NETO1: variants seen among roughly 807,000 people sequenced by gnomAD.
NETO1 encodes the protein neuropilin and tolloid-like protein 1.
In NETO1, 26 loss-of-function variants were observed where a neutral mutation model predicts 61.3. The ratio of observed to expected loss-of-function variants is 0.42; its 90% CI spans 0.31 to 0.59. The LOEUF (loss-of-function observed/expected upper bound fraction) is 0.59. NETO1 is among the 20% of genes least tolerant of loss of function. The pLI, the probability that NETO1 is intolerant of heterozygous loss-of-function variation, is 0.12. For missense variants in NETO1, 531 were observed against 662.8 expected, an observed-to-expected ratio of 0.80 and a Z score of 2.18; for synonymous variants, 225 against 225.8, an observed-to-expected ratio of 1.00 and a Z score of 0.03.
intron 4 of NETO1, among the ~76,000 whole-genome samples, chr18:72,824,167 G>C (rs1389449914): frequency 6.6e-6 from 1 of 152,102 alleles, no homozygotes; most frequent in Non-Finnish European, 1.5e-5. Flanking sequence ...GAATAAGCCG[G>C]GTTTTTGTTT....
intron 7 of NETO1, among the ~76,000 whole-genome samples, chr18:72,766,962 T>C (rs187237711): frequency 2.5e-4 from 38 of 152,270 alleles, no homozygotes; most frequent in African/African-American, 8.7e-4. Flanking sequence ...ATAAGGAGGG[T>C]ATTAAATATC....
intron 6 of NETO1, among the ~76,000 whole-genome samples, chr18:72,784,810 G>T (rs536478416): frequency 6.6e-5 from 10 of 152,332 alleles, no homozygotes; most frequent in African/African-American, 9.6e-5. Context: ...GAAATAATTT[G>T]TTCATGCGTC....
chr18:72,862,967 G>A (rs1168389519), intron 3 of NETO1, among the ~76,000 whole-genome samples: 1 of 152,042 alleles, frequency 6.6e-6, no homozygotes, highest in African/African-American at 2.4e-5. Flanking sequence ...CTCCATCACT[G>A]ATGCCGCTTC....
chr18:72,767,725 A>T (rs185869343), intron 7 of NETO1, among the ~76,000 whole-genome samples: 2 of 152,124 alleles, frequency 1.3e-5, no homozygotes, highest in African/African-American at 2.4e-5. Flanking sequence ...TAAAAAAAAC[A>T]GGAAGGAAGG....
intron 4 of NETO1, among the ~76,000 whole-genome samples, chr18:72,827,716 CAAAA>C (rs535573315): frequency 2.0e-5 from 2 of 100,388 alleles, no homozygotes; most frequent in Non-Finnish European, 3.9e-5. Context: ...GACCCTGTCT[CAAAA>C]AAAAAAAAAA....
At chr18:72,805,434 T>G (rs1400399841) in intron 4 of NETO1, among the ~76,000 whole-genome samples, 1 of 152,200 alleles carries the variant, frequency 6.6e-6, no homozygotes, top group Non-Finnish European at 1.5e-5. Flanking sequence ...TTTCATTTAG[T>G]TAGATCCACG....
chr18:72,843,790 A>G (rs2074005506), intron 4 of NETO1, among the ~76,000 whole-genome samples: 1 of 152,206 alleles, frequency 6.6e-6, no homozygotes, highest in South Asian at 2.1e-4. Flanking sequence ...CTATCCCGCC[A>G]AAAAACTGGT....
intron 7 of NETO1, among the ~76,000 whole-genome samples, chr18:72,771,826 T>C (rs1263844370): frequency 6.6e-6 from 1 of 152,214 alleles, no homozygotes; most frequent in Non-Finnish European, 1.5e-5. Context: ...AGGAATACTA[T>C]GCATTATTTT....
At chr18:72,743,727 G>A (rs965354281), downstream of NETO1, 1 of 151,976 alleles carries the variant, frequency 6.6e-6, no homozygotes, top group African/African-American at 2.4e-5. Flanking sequence ...CACACTTAAT[G>A]GAAAAGTGAA....
intron 4 of NETO1, among the ~76,000 whole-genome samples, chr18:72,821,607 C>T (rs1253727411): frequency 1.3e-5 from 2 of 149,398 alleles, no homozygotes; most frequent in Non-Finnish European, 3.0e-5. Context: ...TCATGTACTA[C>T]TTAGCAAGTA....
rs2070543094 is a variant in NETO1, at chr18:72,750,123, C to T, written c.1480G>A (p.Glu494Lys). Residue 494 changes from glutamate to lysine, a missense_variant, in exon 9 of 11, where the codon GAA becomes AAA. Glu to Lys is a moderately conservative substitution (Grantham distance 56). Transcript: ENST00000327305. ...QDAADACDID[E>K]IEEVPTTSHR... is the part of the protein sequence containing the mutation. ...CTGGTGGTCGGCACCTCTTCGATTT[C>T]ATCTATGTCACAGGCATCTGCAGCA... 2.5e-6 allele frequency: 4 copies of T among 1,613,026 alleles called. No homozygotes were observed. Among genetic ancestry groups the T allele is most frequent in the African/African-American group, 2.7e-5 (2 of 75,014 alleles).
At chr18:72,837,881 C>G (rs1192912232) in intron 4 of NETO1, among the ~76,000 whole-genome samples, 1 of 151,778 alleles carries the variant, frequency 6.6e-6, no homozygotes, top group South Asian at 2.1e-4. Context: ...AAAACATTCT[C>G]CCTCCCCATC....
chr18:72,763,974 A>G lies in NETO1; in HGVS notation c.869-7827T>C, dbSNP rs2048379806. Among the ~76,000 whole-genome samples the G allele has an allele frequency of 2.0e-5, 3 of 152,128 alleles. 1 individual carries two copies. The highest frequency in any genetic ancestry group is 4.1e-4 in the South Asian group (2 of 4,828). ...TACATGGTGGCAGGAGAGAGAAGTG[A>G]CAATCAGCGAAGGGGGAAACCCCTT... is the stretch of plus-strand genomic sequence containing the variant. On this transcript the variant is annotated intron_variant, in intron 7 of 10. Transcript: ENST00000327305.
intron 3 of NETO1, among the ~76,000 whole-genome samples, chr18:72,863,309 G>T (rs1439107193): frequency 6.6e-6 from 1 of 152,164 alleles, no homozygotes; most frequent in Non-Finnish European, 1.5e-5. Flanking sequence ...AGAGAATAAT[G>T]CCTTCCCTGG....
At chr18:72,807,320 GA>G (rs781206736) in intron 4 of NETO1, among the ~76,000 whole-genome samples, 7 of 152,044 alleles carry the variant, frequency 4.6e-5, no homozygotes, top group Non-Finnish European at 8.8e-5. Context: ...ATAAATTTAA[GA>G]AACCAAAACT....
Position 72,746,137 on chromosome 18 carries a change from T to C in NETO1, c.*2042A>G, listed in dbSNP as rs991716452. On this transcript the variant is annotated 3_prime_UTR_variant, in exon 11 of 11. Transcript: ENST00000327305. ...GTTATAGAACAAATTAATAGTAAAATGTTCACCTAACTTATTTCACTATTT... is the reference window on the plus strand; with the variant it reads ...GTTATAGAACAAATTAATAGTAAAACGTTCACCTAACTTATTTCACTATTT... 1.3e-5 allele frequency among the ~76,000 whole-genome samples: 2 copies of C among 152,128 alleles called. No individual in the cohort carries two copies. Among genetic ancestry groups the C allele is most frequent in the African/African-American group, 2.4e-5 (1 of 41,440 alleles).
At chr18:72,760,020 G>C (rs941331909) in intron 7 of NETO1, among the ~76,000 whole-genome samples, 8 of 152,140 alleles carry the variant, frequency 5.3e-5, no homozygotes, top group Non-Finnish European at 1.2e-4. Context: ...GAACATAGAT[G>C]GAACGATTTG....
intron 8 of NETO1, 89 bp downstream of exon 8, chr18:72,755,945 T>C (rs1599095388): frequency 1.5e-6 from 1 of 673,336 alleles, no homozygotes; most frequent in Admixed American, 2.3e-5. Flanking sequence ...TACACTCTTA[T>C]TTTAAAGACT....
chr18:72,828,032 G>C (rs1023647853), intron 4 of NETO1, among the ~76,000 whole-genome samples: 1 of 152,198 alleles, frequency 6.6e-6, no homozygotes, highest in Non-Finnish European at 1.5e-5. Flanking sequence ...TAAAAATGCA[G>C]CCAGGCGTGG....
Sources: allele counts gnomAD v4.1 joint callset (sites outside exome capture counted in the v4.1 genomes callset), GRCh38; gene constraint gnomAD v4.1.1; transcripts MANE v1.5; gene names NCBI Gene and HGNC (gene_info 2026-07-23, HGNC 2026-07-21).